The following RFC1 variants were observed in gnomAD, a reference collection of about 807,000 sequenced individuals.
RFC1 encodes replication factor C subunit 1, also known as A1 140 kDa subunit.
RFC1 carries 37 observed loss-of-function variants against 137.4 expected under a neutral mutation model. The observed-to-expected ratio is 0.27, with a 90% CI of 0.21 to 0.35. The LOEUF is 0.35. RFC1 is among the 10% of genes least tolerant of loss of function. The probability of loss-of-function intolerance (pLI) is 1.00; values close to 1 mark genes in which losing one functional copy is unlikely to be tolerated. For synonymous variants in RFC1, 429 were observed against 455.7 expected (o/e 0.94, Z 0.75); for missense variants, 1,205 against 1,358.5 (o/e 0.89, Z 1.78).
At chr4:39,288,888 G>T in intron 24 of RFC1, 44 bp from the exon 25 acceptor site, 1 of 1,186,632 alleles carries the variant, frequency 8.4e-7, no homozygotes, top group Non-Finnish European at 1.2e-6. Context: ...CTGTGTTTAT[G>T]AGTAAATGAA....
At chr4:39,311,571 C>T (rs1403178249) in intron 11 of RFC1, 22 bp from the exon 12 acceptor site, 2 of 1,586,568 alleles carry the variant, frequency 1.3e-6, no homozygotes, top group African/African-American at 2.7e-5. Flanking sequence ...AAATGTAAAC[C>T]ATCAAAACTG....
chr4:39,337,165 G>A (rs979717482), intron 4 of RFC1, among the ~76,000 whole-genome samples: 6 of 152,012 alleles, frequency 3.9e-5, no homozygotes, highest in East Asian at 1.9e-4. Flanking sequence ...ACCTGAGGTC[G>A]GGAGTTCGAG....
In RFC1 at chr4:39,345,490, A is replaced by C; in HGVS notation, c.133-14T>G. ...GGAGCTATTTACCTATAAACATCACAATATAATTAGAACATAAAGAAGCCT... is the reference window on the plus strand; with the variant it reads ...GGAGCTATTTACCTATAAACATCACCATATAATTAGAACATAAAGAAGCCT... On this transcript the variant is annotated splice_polypyrimidine_tract_variant and intron_variant, in intron 2 of 24. Transcript: ENST00000349703. 6.3e-7 allele frequency: 1 copy of C among 1,593,068 alleles called. No individual in the cohort carries two copies. The highest frequency in any genetic ancestry group is 1.1e-5 in the South Asian group (1 of 89,124).
chr4:39,299,545 G>A (rs1247708260), intron 21 of RFC1, among the ~76,000 whole-genome samples: 1 of 147,246 alleles, frequency 6.8e-6, no homozygotes, highest in Non-Finnish European at 1.5e-5. Context: ...CCCAGGAGGC[G>A]GAGCTTGCAG....
chr4:39,344,320 C>A (rs1319192441), intron 3 of RFC1, among the ~76,000 whole-genome samples: 1 of 152,036 alleles, frequency 6.6e-6, no homozygotes, highest in Non-Finnish European at 1.5e-5. Context: ...TGTGTTTATT[C>A]CTTTTTAAAT....
chr4:39,302,941 T>A (rs1185869885), intron 16 of RFC1, 67 bp from the exon 17 acceptor site: 4 of 1,526,352 alleles, frequency 2.6e-6, no homozygotes, highest in Non-Finnish European at 9.0e-7. Context: ...CAAGCTATTT[T>A]AGGTTCTAAA....
intron 21 of RFC1, among the ~76,000 whole-genome samples, chr4:39,299,280 G>T (rs536593567): frequency 6.6e-6 from 1 of 151,976 alleles, no homozygotes; most frequent in East Asian, 1.9e-4. Flanking sequence ...ATAAATACAC[G>T]GGTAAATCTC....
chr4:39,362,718 G>C (rs1380132068), intron 1 of RFC1, among the ~76,000 whole-genome samples: 2 of 152,160 alleles, frequency 1.3e-5, no homozygotes, highest in Non-Finnish European at 2.9e-5. Context: ...CCTTGGATTA[G>C]CAAGAGAAAC....
intron 15 of RFC1, among the ~76,000 whole-genome samples, chr4:39,304,098 A>G (rs1018900490): frequency 1.3e-5 from 2 of 152,220 alleles, no homozygotes; most frequent in Non-Finnish European, 1.5e-5. Flanking sequence ...CACGTCTAAG[A>G]GTGACATTTC....
At chr4:39,299,955 G>A (rs997069070) in intron 21 of RFC1, 66 bp downstream of exon 21, 3 of 910,194 alleles carry the variant, frequency 3.3e-6, no homozygotes, top group Admixed American at 1.9e-5. Flanking sequence ...AAGTACAGCA[G>A]CTAAAAGCTA....
At position 39,308,809 on chromosome 4, in the gene RFC1, T is replaced by C; in HGVS notation, c.1712A>G (p.Asn571Ser). The C allele has an allele frequency of 6.2e-7, 1 of 1,614,196 alleles. No individual in the cohort carries two copies. The highest frequency in any genetic ancestry group is 8.5e-7 in the Non-Finnish European group (1 of 1,180,042). Residue 571 changes from asparagine (N) to serine (S), a missense_variant, in exon 13 of 25, where the codon AAT becomes AGT. This residue lies in a region of RFC1 where 962 missense variants were observed against 1,035.3 expected (regional missense o/e 0.93). Coordinates refer to ENST00000349703, the MANE Select transcript of RFC1 (RefSeq NM_002913.5). Reference protein sequence around the residue: ...EETSGDSKARNLADDSSENKV... With the variant: ...EETSGDSKARSLADDSSENKV... ...GTTTTCACTGCTGTCATCAGCCAAA[T>C]TCCTAGCCTTGCTGTCACCACTTGT...
Position 39,300,423 on chromosome 4 carries a change from A to G in RFC1, c.2536-9T>C, listed in dbSNP as rs1285856741. 5.0e-6 allele frequency: 8 copies of G among 1,612,116 alleles called. No individual in the cohort carries two copies. The Admixed American group carries it at 1.0e-4, about 20-fold the overall frequency. On this transcript the variant is annotated splice_polypyrimidine_tract_variant and intron_variant, in intron 19 of 24. Coordinates refer to ENST00000349703, the MANE Select transcript of RFC1 (RefSeq NM_002913.5). Reference sequence around the variant, plus strand: ...GCAACATCAAATGGGCCCTGAAAAAAGAGAGGGACACACCTATTAGAATGG... The same window carrying G: ...GCAACATCAAATGGGCCCTGAAAAAGGAGAGGGACACACCTATTAGAATGG...
At chr4:39,337,483 TTAGG>T (rs1266056444) in intron 4 of RFC1, among the ~76,000 whole-genome samples, 5 of 150,708 alleles carry the variant, frequency 3.3e-5, no homozygotes, top group African/African-American at 9.7e-5. Flanking sequence ...TAACATTTAC[TTAGG>T]TAATTTAAAA....
chr4:39,331,757 A>G (rs1317557261), intron 4 of RFC1, among the ~76,000 whole-genome samples: 1 of 152,232 alleles, frequency 6.6e-6, no homozygotes, highest in African/African-American at 2.4e-5. Context: ...ATAGCTATAT[A>G]CATAACTTTT....
intron 20 of RFC1, 31 bp from the exon 21 acceptor site, chr4:39,300,169 A>C (rs751030607): frequency 6.2e-7 from 1 of 1,608,910 alleles, no homozygotes; most frequent in South Asian, 1.1e-5. Context: ...GGATTATCCC[A>C]CTCTCCACAC....
At position 39,355,094 on chromosome 4, in the gene RFC1, A is replaced by C. The variant is rs1185395597; in HGVS notation, c.4-3618T>G. On this transcript the variant is annotated intron_variant, in intron 1 of 24. Transcript: ENST00000349703. ...GACACTCATCTCAAAAAAAAAAAAAAAAATACACACACACACACACACACA... is the reference window on the plus strand; with the variant it reads ...GACACTCATCTCAAAAAAAAAAAAACAAATACACACACACACACACACACA... Among the ~76,000 whole-genome samples, 8 of 69,364 alleles carry C rather than the reference A, an allele frequency of 1.2e-4. No individual in the cohort carries two copies. The South Asian group carries it at 3.6e-3, about 32-fold the overall frequency. 45.5% of individuals were successfully genotyped at this position (69,364 alleles called of 152,430 possible).
chr4:39,366,107 T>C, intron 1 of RFC1, 132 bp downstream of exon 1: 1 of 1,005,782 alleles, frequency 9.9e-7, no homozygotes, highest in Non-Finnish European at 1.4e-6. Flanking sequence ...CGGCCCCTTC[T>C]CTGCCTTTGC....
At chr4:39,354,124 T>C (rs1310014947) in intron 1 of RFC1, among the ~76,000 whole-genome samples, 1 of 152,204 alleles carries the variant, frequency 6.6e-6, no homozygotes, top group African/African-American at 2.4e-5. Context: ...CCCCACACTC[T>C]GATGGCAACG....
chr4:39,314,920 G>A (rs966358043), intron 10 of RFC1, among the ~76,000 whole-genome samples: 3 of 151,774 alleles, frequency 2.0e-5, no homozygotes, highest in African/African-American at 7.3e-5. Flanking sequence ...TTTCTGGTAG[G>A]ATCTATCCCA....
Sources: allele counts gnomAD v4.1 joint callset (sites outside exome capture counted in the v4.1 genomes callset), GRCh38; gene constraint gnomAD v4.1.1; regional missense constraint gnomAD v4.1.1; transcripts MANE v1.5; gene names NCBI Gene and HGNC (gene_info 2026-07-23, HGNC 2026-07-21).